NLRP4: variants seen among roughly 807,000 people sequenced by gnomAD.
NLRP4 encodes NLR family pyrin domain containing 4, also known as NACHT, LRR and PYD domains-containing protein 4.
In NLRP4, 44 loss-of-function variants were observed where a neutral mutation model predicts 84.7. That is an observed-to-expected ratio of 0.52 (90% CI 0.41 to 0.67). NLRP4 has a LOEUF of 0.67. NLRP4 is among the 30% of genes least tolerant of loss of function. The probability of loss-of-function intolerance (pLI) is 0.00; values close to 1 mark genes in which losing one functional copy is unlikely to be tolerated. For synonymous variants in NLRP4, 544 were observed against 476.4 expected, an observed-to-expected ratio of 1.14 and a Z score of -1.85; for missense variants, 1,260 against 1,219.4, an observed-to-expected ratio of 1.03 and a Z score of -0.50.
intron 1 of NLRP4, among the ~76,000 whole-genome samples, chr19:55,850,211 G>A (rs965935391): frequency 1.4e-5 from 2 of 142,302 alleles, no homozygotes; most frequent in African/African-American, 2.9e-5. Context: ...TGTAATTTCC[G>A]TGGCTGCGGT....
At chr19:55,843,295 A>C (rs1029988268) in intron 1 of NLRP4, among the ~76,000 whole-genome samples, 1 of 152,062 alleles carries the variant, frequency 6.6e-6, no homozygotes, top group East Asian at 1.9e-4. Context: ...TAATGTCATT[A>C]TGTTTCCCTA....
intron 1 of NLRP4, among the ~76,000 whole-genome samples, chr19:55,844,106 T>G (rs570453110): frequency 6.6e-6 from 1 of 152,218 alleles, no homozygotes; most frequent in South Asian, 2.1e-4. Context: ...GGCTAATAAG[T>G]CCAAAATCAA....
intron 1 of NLRP4, among the ~76,000 whole-genome samples, chr19:55,840,753 C>A (rs1983582132): frequency 6.6e-6 from 1 of 152,144 alleles, no homozygotes; most frequent in Non-Finnish European, 1.5e-5. Flanking sequence ...TATAATTGTT[C>A]TCTCTTCCTG....
At chr19:55,848,737 A>G (rs958748293) in intron 1 of NLRP4, among the ~76,000 whole-genome samples, 1 of 152,150 alleles carries the variant, frequency 6.6e-6, no homozygotes, top group African/African-American at 2.4e-5. Context: ...TCTATGTACA[A>G]CCCACATGAT....
At chr19:55,839,389 T>G (rs1413055779) in intron 1 of NLRP4, among the ~76,000 whole-genome samples, 1 of 151,686 alleles carries the variant, frequency 6.6e-6, no homozygotes, top group African/African-American at 2.4e-5. Flanking sequence ...ATGCTCTCTC[T>G]TAGATTCTGG....
At chr19:55,873,657 G>A (rs1985269552) in intron 7 of NLRP4, among the ~76,000 whole-genome samples, 1 of 151,850 alleles carries the variant, frequency 6.6e-6, no homozygotes, top group African/African-American at 2.4e-5. Flanking sequence ...GAAAATGAAA[G>A]GATAGAAAAA....
chr19:55,857,255 A>G (rs897993270), intron 2 of NLRP4, among the ~76,000 whole-genome samples: 11 of 151,592 alleles, frequency 7.3e-5, no homozygotes, highest in Non-Finnish European at 1.0e-4. Flanking sequence ...ACATAGTAGC[A>G]ATGAATGTAT....
At position 55,857,760 on chromosome 19, in the gene NLRP4, T is replaced by G. The variant is rs373416182; in HGVS notation, c.367T>G (p.Phe123Val). 8.1e-6 allele frequency: 13 copies of G among 1,614,026 alleles called. No individual in the cohort carries two copies. In the South Asian group the frequency reaches 1.3e-4, roughly 16 times the overall value. ...GTCTGTCACTGAGATTCACCTATAC[T>G]TTGAGGAGGAAGTCAAGCAAGAAGA... Reference protein sequence around the residue: ...SKSVTEIHLYFEEEVKQEECD... With the variant: ...SKSVTEIHLYVEEEVKQEECD... Residue 123 changes from phenylalanine (F) to valine (V), a missense_variant, in exon 3 of 10, where the codon TTT becomes GTT. By Grantham distance (50) the Phe-to-Val change is conservative. This residue lies in a region of NLRP4 where 712 missense variants were observed against 669.2 expected (regional missense o/e 1.06). Coordinates refer to ENST00000301295, the MANE Select transcript of NLRP4 (RefSeq NM_134444.5).
chr19:55,843,961 G>A (rs993409787), intron 1 of NLRP4, among the ~76,000 whole-genome samples: 55 of 151,672 alleles, frequency 3.6e-4, no homozygotes, highest in Admixed American at 2.8e-3. Context: ...TTCTCTTTAC[G>A]TGTCTTCTAG....
intron 1 of NLRP4, among the ~76,000 whole-genome samples, chr19:55,839,357 TCACA>T (rs759640055): frequency 3.3e-5 from 5 of 149,530 alleles, no homozygotes; most frequent in South Asian, 2.1e-4. Flanking sequence ...GCTTATGCTC[TCACA>T]CACACATACC....
rs766439608 is a variant in NLRP4, at chr19:55,859,003, G to T, written c.1610G>T (p.Ser537Ile). Residue 537 changes from serine to isoleucine, a missense_variant, in exon 3 of 10, where the codon AGC (serine) becomes ATC (isoleucine). Physicochemically the swap from Ser to Ile is moderately radical, Grantham distance 142. Transcript: ENST00000301295. ...CAGCAAATTCACCAGTGCCTGAAGA[G>T]CTTAGGGGAGCGTGGCAATCCTCAG... ...IKQQIHQCLK[S>I]LGERGNPQGQ... The T allele has an allele frequency of 3.1e-6, 5 of 1,614,050 alleles. No homozygotes were observed. The Admixed American group carries it at 6.7e-5, about 22-fold the overall frequency.
chr19:55,865,285 A>G (rs1272964106), intron 5 of NLRP4, among the ~76,000 whole-genome samples: 1 of 152,204 alleles, frequency 6.6e-6, no homozygotes, highest in African/African-American at 2.4e-5. Context: ...AATGGCCTCC[A>G]GCTCCATCCA....
intron 1 of NLRP4, among the ~76,000 whole-genome samples, chr19:55,846,581 C>T (rs1462881283): frequency 6.6e-6 from 1 of 152,144 alleles, no homozygotes; most frequent in Non-Finnish European, 1.5e-5. Flanking sequence ...TGTTATATAA[C>T]AGATATATAA....
chr19:55,881,802 T>C lies in NLRP4; in HGVS notation c.*215T>C. ...GAAAGGCCTTCATGGTCTCTCGGTC[T>C]CACAAGGACCTCTTAACCCCTCAAT... On this transcript the variant is annotated 3_prime_UTR_variant, in exon 10 of 10. Transcript: ENST00000301295. 2.6e-6 allele frequency: 1 copy of C among 385,302 alleles called. No homozygotes were observed. The highest frequency in any genetic ancestry group is 4.6e-6 in the Non-Finnish European group (1 of 216,200). 23.9% of individuals were successfully genotyped at this position (385,302 alleles called of 1,614,324 possible). A position where few individuals can be genotyped will look rare whatever the true frequency, so the allele number is the denominator to read the frequency against.
At chr19:55,842,057 G>A (rs909632436) in intron 1 of NLRP4, among the ~76,000 whole-genome samples, 4 of 152,200 alleles carry the variant, frequency 2.6e-5, no homozygotes, top group Admixed American at 6.5e-5. Flanking sequence ...TACCAATGGT[G>A]TGTAAGAGTT....
At chr19:55,861,644 A>C in intron 4 of NLRP4, 97 bp downstream of exon 4, 6 of 1,149,830 alleles carry the variant, frequency 5.2e-6, no homozygotes, top group Non-Finnish European at 7.6e-6. Flanking sequence ...CAAGCAAAGA[A>C]TTAACATCCA....
At chr19:55,849,893 GC>G (rs1343488608) in intron 1 of NLRP4, among the ~76,000 whole-genome samples, 467 of 14,018 alleles carry the variant, frequency 0.033, 55 homozygotes, top group African/African-American at 0.085. Flanking sequence ...AATTTCCGTG[GC>G]CGGCGGTGTA....
chr19:55,842,529 CTT>C (rs57463609), intron 1 of NLRP4, among the ~76,000 whole-genome samples: 7 of 148,548 alleles, frequency 4.7e-5, no homozygotes, highest in African/African-American at 1.2e-4. Context: ...TGTCCTTTTT[CTT>C]TTTTTTTTAG....
intron 7 of NLRP4, among the ~76,000 whole-genome samples, chr19:55,873,774 C>T (rs1348555989): frequency 2.0e-5 from 3 of 152,092 alleles, no homozygotes; most frequent in Non-Finnish European, 4.4e-5. Context: ...AAATTATCTT[C>T]CTACTCAGTT....
Sources: allele counts gnomAD v4.1 joint callset (sites outside exome capture counted in the v4.1 genomes callset), GRCh38; gene constraint gnomAD v4.1.1; regional missense constraint gnomAD v4.1.1; transcripts MANE v1.5; gene names NCBI Gene and HGNC (gene_info 2026-07-23, HGNC 2026-07-21).